The following TRIO variants were observed in gnomAD, a reference collection of about 807,000 sequenced individuals.
TRIO encodes the protein trio Rho guanine nucleotide exchange factor.
A neutral mutation model predicts 351.9 loss-of-function variants in TRIO; 58 were observed. The observed-to-expected ratio is 0.16, with a 90% CI of 0.13 to 0.21. TRIO has a LOEUF of 0.21. Ranked by LOEUF, TRIO falls within the 10% of genes least tolerant of loss-of-function variation. The probability of loss-of-function intolerance (pLI) is 1.00; values close to 1 mark genes in which losing one functional copy is unlikely to be tolerated. For missense variants in TRIO, 3,201 were observed against 4,027.8 expected, an observed-to-expected ratio of 0.79 and a Z score of 5.56; for synonymous variants, 1,758 against 1,595.7, an observed-to-expected ratio of 1.10 and a Z score of -2.42.
rs116314268 is a variant in TRIO, at chr5:14,260,356, T to C, written c.158-10469T>C. On this transcript the variant is annotated intron_variant, in intron 1 of 56. Transcript: ENST00000344204. Reference sequence around the variant, plus strand: ...ACTGTTTACACAGTTAAGGCTACGGTTAGTGTAATGTGTGTTTTATTTTGT... The same window carrying C: ...ACTGTTTACACAGTTAAGGCTACGGCTAGTGTAATGTGTGTTTTATTTTGT... Among the ~76,000 whole-genome samples the C allele has an allele frequency of 2.0e-3, 310 of 152,338 alleles. 2 individuals are homozygous for C. Among genetic ancestry groups the C allele is most frequent in the Non-Finnish European group, 3.2e-3 (218 of 68,038 alleles).
chr5:14,196,891 C>A (rs372589113), intron 1 of TRIO, among the ~76,000 whole-genome samples: 2 of 152,106 alleles, frequency 1.3e-5, no homozygotes, highest in South Asian at 4.1e-4. Flanking sequence ...ATTTTATATC[C>A]GAAAATTATC....
chr5:14,325,007 A>G (rs920762743), intron 9 of TRIO, among the ~76,000 whole-genome samples: 5 of 152,222 alleles, frequency 3.3e-5, no homozygotes, highest in African/African-American at 1.2e-4. Flanking sequence ...TGTGGTTGAG[A>G]TCATGGAACT....
At chr5:14,379,010 C>T (rs1579478254) in intron 20 of TRIO, among the ~76,000 whole-genome samples, 1 of 152,276 alleles carries the variant, frequency 6.6e-6, no homozygotes, top group East Asian at 1.9e-4. Flanking sequence ...AAAAATCTGA[C>T]CCCGTCTTAA....
At chr5:14,360,512 A>G (rs1744051755) in intron 13 of TRIO, among the ~76,000 whole-genome samples, 1 of 152,144 alleles carries the variant, frequency 6.6e-6, no homozygotes, top group African/African-American at 2.4e-5. Flanking sequence ...TCTGTGATGG[A>G]CACCTGTAGA....
chr5:14,251,337 A>G (rs913636628), intron 1 of TRIO, among the ~76,000 whole-genome samples: 2 of 152,212 alleles, frequency 1.3e-5, no homozygotes, highest in Non-Finnish European at 2.9e-5. Flanking sequence ...CTGTGTCCCT[A>G]CTGATTTTGA....
intron 1 of TRIO, among the ~76,000 whole-genome samples, chr5:14,160,815 C>T (rs1313123539): frequency 3.3e-5 from 5 of 152,166 alleles, no homozygotes; most frequent in Admixed American, 2.6e-4. Context: ...AGATCTCCTT[C>T]CCGACTCGTC....
rs944957745 is a variant in TRIO at position 14,394,185 on chromosome 5, A to G, written c.4311+55A>G. ...ATTTTATGAATTATGTATTATTTTG[A>G]CATTTACTATATATTTATATAATTA... On this transcript the variant is annotated intron_variant, in intron 28 of 56. Transcript: ENST00000344204. 3.2e-5 allele frequency: 36 copies of G among 1,133,582 alleles called. No homozygotes were observed. In the Admixed American group the frequency reaches 7.7e-4, roughly 24 times the overall value. 70.2% of individuals were successfully genotyped at this position (1,133,582 alleles called of 1,614,324 possible).
At chr5:14,489,803 TC>T (rs771070230) in intron 48 of TRIO, among the ~76,000 whole-genome samples, 2 of 152,186 alleles carry the variant, frequency 1.3e-5, no homozygotes, top group Non-Finnish European at 2.9e-5. Context: ...TGGCACGTGT[TC>T]CCGCGAGCTT....
In TRIO at chr5:14,416,278, CTT is replaced by C. The variant is rs148034505; in HGVS notation, c.4960-3497_4960-3496del. On this transcript the variant is annotated intron_variant, in intron 33 of 56. Coordinates refer to ENST00000344204, the MANE Select transcript of TRIO (RefSeq NM_007118.4). ...CTTCCTCAAAATAGTTATCACAAGT[CTT>C]TTGTACACAGAAAAGTTTTTTTTTT... Among the ~76,000 whole-genome samples the C allele has an allele frequency of 1.6e-3, 233 of 145,206 alleles. 1 individual carries two copies. Among genetic ancestry groups the C allele is most frequent in the Non-Finnish European group, 3.0e-3 (200 of 65,642 alleles).
chr5:14,450,159 C>G (rs977322241), intron 34 of TRIO, among the ~76,000 whole-genome samples: 2 of 152,156 alleles, frequency 1.3e-5, no homozygotes, highest in Non-Finnish European at 2.9e-5. Context: ...TTGGTGAGAT[C>G]GACGCGGCCG....
At chr5:14,487,080 G>A (rs1418211278) in intron 47 of TRIO, among the ~76,000 whole-genome samples, 1 of 152,132 alleles carries the variant, frequency 6.6e-6, no homozygotes, top group East Asian at 1.9e-4. Context: ...GCAGAGCAGA[G>A]GTGGTCTATG....
chr5:14,254,744 C>A (rs1794935599), intron 1 of TRIO, among the ~76,000 whole-genome samples: 1 of 152,172 alleles, frequency 6.6e-6, no homozygotes, highest in Non-Finnish European at 1.5e-5. Flanking sequence ...CTCATAGCAA[C>A]CTGTAGCATT....
chr5:14,471,445 C>G lies in TRIO; in HGVS notation c.5891C>G (p.Ser1964Cys). 2 of 1,614,142 alleles carry G rather than the reference C, an allele frequency of 1.2e-6. No individual in the cohort carries two copies. The highest frequency in any genetic ancestry group is 1.7e-6 in the Non-Finnish European group (2 of 1,180,012). ...SPIDEMEERKSSSLKRRHYVL... is the reference protein window; with the variant it reads ...SPIDEMEERKCSSLKRRHYVL... Reference sequence around the variant, plus strand: ...ATTGATGAGATGGAAGAAAGGAAATCCAGCTCTTTAAAGAGAAGACAGTAA... The same window carrying G: ...ATTGATGAGATGGAAGAAAGGAAATGCAGCTCTTTAAAGAGAAGACAGTAA... The change falls in exon 38 of 57, where the codon TCC (serine) becomes TGC (cysteine). Residue 1964 changes from serine (S) to cysteine (C), a missense_variant. Coordinates refer to ENST00000344204, the MANE Select transcript of TRIO (RefSeq NM_007118.4).
intron 34 of TRIO, among the ~76,000 whole-genome samples, chr5:14,452,457 A>C (rs538929694): frequency 6.6e-6 from 1 of 152,158 alleles, no homozygotes; most frequent in Non-Finnish European, 1.5e-5. Context: ...GGGGTCATTG[A>C]CTCATAAGAA....
At chr5:14,307,415 C>T (rs1389518577) in intron 8 of TRIO, among the ~76,000 whole-genome samples, 1 of 152,218 alleles carries the variant, frequency 6.6e-6, no homozygotes, top group Non-Finnish European at 1.5e-5. Context: ...TTTAGTCTTT[C>T]TCTGCCTTTA....
chr5:14,354,704 G>A lies in TRIO; in HGVS notation c.2047-3474G>A, dbSNP rs577595801. On this transcript the variant is annotated intron_variant, in intron 11 of 56. Coordinates refer to ENST00000344204, the MANE Select transcript of TRIO (RefSeq NM_007118.4). ...AGTTTGAACATAAAGTGCAGAGGCAGCACCGTTGGTAGCGTCTTGGCAGTG... is the reference window on the plus strand; with the variant it reads ...AGTTTGAACATAAAGTGCAGAGGCAACACCGTTGGTAGCGTCTTGGCAGTG... 2.4e-4 allele frequency among the ~76,000 whole-genome samples: 36 copies of A among 152,364 alleles called. No individual in the cohort carries two copies. In the South Asian group the frequency reaches 7.1e-3, roughly 30 times the overall value.
chr5:14,499,184 G>A, intron 53 of TRIO: 1 of 153,836 alleles, frequency 6.5e-6, no homozygotes, highest in Non-Finnish European at 1.4e-5. Flanking sequence ...CATCCAGGAG[G>A]AGCCAGGCCC....
At chr5:14,178,348 C>T (rs1262379336) in intron 1 of TRIO, among the ~76,000 whole-genome samples, 2 of 152,194 alleles carry the variant, frequency 1.3e-5, no homozygotes, top group Non-Finnish European at 2.9e-5. Flanking sequence ...TGCACAGATT[C>T]CATGTGAGAG....
intron 10 of TRIO, among the ~76,000 whole-genome samples, chr5:14,334,265 G>A (rs1400638211): frequency 1.3e-5 from 2 of 152,176 alleles, no homozygotes; most frequent in African/African-American, 4.8e-5. Flanking sequence ...AAGGACCCAG[G>A]GAAGGTCTCG....
Sources: gnomAD v4.1 joint callset for allele counts (sites outside exome capture counted in the v4.1 genomes callset) on GRCh38, gnomAD v4.1.1 for gene constraint, MANE v1.5 for transcripts, NCBI Gene and HGNC (gene_info 2026-07-23, HGNC 2026-07-21) for gene names.